The following FGD3 variants were observed in gnomAD, a reference collection of about 807,000 sequenced individuals.
FGD3 encodes the protein FYVE, RhoGEF and PH domain-containing protein 3.
A neutral mutation model predicts 71.8 loss-of-function variants in FGD3; 45 were observed. That is an observed-to-expected ratio of 0.63 (90% CI 0.49 to 0.80). The LOEUF (loss-of-function observed/expected upper bound fraction) is 0.80, where lower values mean the gene tolerates loss of function less well. Ranked by LOEUF, FGD3 falls within the 30% of genes least tolerant of loss-of-function variation. The pLI, the probability that FGD3 is intolerant of heterozygous loss-of-function variation, is 0.00. For missense variants in FGD3, 844 were observed against 951.5 expected, an observed-to-expected ratio of 0.89 and a Z score of 1.49; for synonymous variants, 378 against 392.8, an observed-to-expected ratio of 0.96 and a Z score of 0.44.
chr9:93,030,017 A>T, intron 15 of FGD3, 21 bp downstream of exon 15: 1 of 1,607,154 alleles, frequency 6.2e-7, no homozygotes. Context: ...GGAGAGGGGG[A>T]CAGGGACAGG....
chr9:93,034,948 A>G (rs560931139), intron 17 of FGD3, among the ~76,000 whole-genome samples: 9 of 152,004 alleles, frequency 5.9e-5, no homozygotes, highest in African/African-American at 1.4e-4. Context: ...GAGCCACAGA[A>G]CCTGTCAGGG....
At chr9:92,960,870 G>T (rs892831685) in intron 1 of FGD3, among the ~76,000 whole-genome samples, 3 of 152,038 alleles carry the variant, frequency 2.0e-5, no homozygotes, top group Non-Finnish European at 1.5e-5. Context: ...CCCAGTGGGT[G>T]ATCCCCCCGG....
At chr9:92,964,614 G>A (rs1859244949) in intron 1 of FGD3, among the ~76,000 whole-genome samples, 1 of 152,240 alleles carries the variant, frequency 6.6e-6, no homozygotes, top group Admixed American at 6.5e-5. Flanking sequence ...TTTGTAAACT[G>A]CTGAGTGCTG....
chr9:93,011,070 G>T (rs1044370515), intron 7 of FGD3, 144 bp from the exon 8 acceptor site: 4 of 810,768 alleles, frequency 4.9e-6, no homozygotes, highest in Non-Finnish European at 6.2e-6. Flanking sequence ...CTCTGGGCCA[G>T]TCCTCTAGAG....
intron 3 of FGD3, among the ~76,000 whole-genome samples, chr9:92,988,045 A>G (rs2118634765): frequency 6.6e-6 from 1 of 152,192 alleles, no homozygotes; most frequent in East Asian, 1.9e-4. Flanking sequence ...TCCTTAGTTC[A>G]GCTAAAATCC....
intron 14 of FGD3, among the ~76,000 whole-genome samples, chr9:93,024,729 G>GGAA (rs1020470593): frequency 1.3e-5 from 2 of 152,232 alleles, no homozygotes; most frequent in Non-Finnish European, 2.9e-5. Flanking sequence ...AACAGCAGGA[G>GGAA]CCCAGGCCTG....
intron 13 of FGD3, 146 bp from the exon 14 acceptor site, chr9:93,022,181 C>T: frequency 1.4e-6 from 1 of 736,264 alleles, no homozygotes; most frequent in Non-Finnish European, 2.1e-6. Flanking sequence ...CCCAGAGGCA[C>T]AGCAAATCCT....
At chr9:92,998,441 G>A (rs1860732607) in intron 3 of FGD3, among the ~76,000 whole-genome samples, 1 of 152,194 alleles carries the variant, frequency 6.6e-6, no homozygotes, top group Non-Finnish European at 1.5e-5. Flanking sequence ...GGAGAAGTTT[G>A]TTATTACCAA....
intron 1 of FGD3, among the ~76,000 whole-genome samples, chr9:92,952,858 G>A (rs1049170524): frequency 1.3e-5 from 2 of 151,908 alleles, no homozygotes; most frequent in African/African-American, 4.8e-5. Context: ...CTTCCCCCGA[G>A]GTCCTCCAGC....
chr9:93,028,347 AAAAAAAAG>A (rs1862214762), intron 14 of FGD3, among the ~76,000 whole-genome samples: 1 of 147,998 alleles, frequency 6.8e-6, no homozygotes. Flanking sequence ...AGGAAAAAAA[AAAAAAAAG>A]AAAGAAAAAC....
chr9:92,975,697 G>A (rs1859720223), intron 2 of FGD3, among the ~76,000 whole-genome samples: 1 of 152,136 alleles, frequency 6.6e-6, no homozygotes, highest in Non-Finnish European at 1.5e-5. Context: ...TCCTGCCCCA[G>A]CCCTCCCCTG....
intron 1 of FGD3, among the ~76,000 whole-genome samples, chr9:92,963,795 G>T (rs1859220725): frequency 6.6e-6 from 1 of 152,166 alleles, no homozygotes; most frequent in Non-Finnish European, 1.5e-5. Context: ...AGCCCTCGTG[G>T]GTCAGGTCTC....
At chr9:92,965,223 C>T (rs923029391) in intron 1 of FGD3, among the ~76,000 whole-genome samples, 9 of 152,212 alleles carry the variant, frequency 5.9e-5, no homozygotes, top group Admixed American at 4.6e-4. Flanking sequence ...GTGACTGAGT[C>T]GTGCCAGGCT....
In FGD3 at chr9:93,012,692, TG is replaced by T. The variant is rs1157137280; in HGVS notation, c.1036-1159del. Among the ~76,000 whole-genome samples, 22 of 117,102 alleles carry T rather than the reference TG, an allele frequency of 1.9e-4. 1 individual carries two copies. Among genetic ancestry groups the T allele is most frequent in the African/African-American group, 4.1e-4 (13 of 31,916 alleles). The allele number at this position is 117,102 out of a possible 152,430, so 76.8% of individuals were successfully genotyped here. A position where few individuals can be genotyped will look rare whatever the true frequency, so the allele number is the denominator to read the frequency against. On this transcript the variant is annotated intron_variant, in intron 8 of 17. Coordinates refer to ENST00000375482, the MANE Select transcript of FGD3 (RefSeq NM_001083536.2). ...CCACCAGGTGTGGGCGGTGGCGGGG[TG>T]TGGGGGGGGGAAGAATCAATCTACA... is the stretch of plus-strand genomic sequence containing the variant.
Position 93,035,461 on chromosome 9 carries a change from A to G in FGD3, c.2050A>G (p.Ser684Gly). ...LQWAKQSWYL[S>G]ASSAELQQQW... ...GTGGGCCAAGCAGTCCTGGTACCTG[A>G]GCGCCTCCTCCGCAGAGCTGCAGCA... is the stretch of plus-strand genomic sequence containing the variant. Residue 684 changes from serine (S) to glycine (G), a missense_variant, in exon 18 of 18, where the codon AGC (serine) becomes GGC (glycine). Ser to Gly is a moderately conservative substitution (Grantham distance 56). Transcript: ENST00000375482. 6.2e-7 allele frequency: 1 copy of G among 1,613,482 alleles called. No homozygotes were observed. Among genetic ancestry groups the G allele is most frequent in the Non-Finnish European group, 8.5e-7 (1 of 1,179,892 alleles).
chr9:93,002,803 G>T, intron 3 of FGD3, 122 bp from the exon 4 acceptor site: 1 of 867,170 alleles, frequency 1.2e-6, no homozygotes. Context: ...CCCTTCTCTT[G>T]CCCCAGTGGC....
chr9:92,985,770 A>G (rs10821051), intron 3 of FGD3, among the ~76,000 whole-genome samples: 90,475 of 151,922 alleles, frequency 0.6, 27,150 homozygotes, highest in South Asian at 0.67. Context: ...GAACCACCGC[A>G]CCTGGCCCAT....
intron 1 of FGD3, among the ~76,000 whole-genome samples, chr9:92,962,951 A>AG (rs1487870527): frequency 1.3e-5 from 2 of 150,922 alleles, no homozygotes; most frequent in African/African-American, 4.8e-5. Context: ...AAAAAAAAAA[A>AG]AAAAAGAAAA....
intron 1 of FGD3, among the ~76,000 whole-genome samples, chr9:92,962,731 A>G (rs1255771923): frequency 6.6e-6 from 1 of 152,196 alleles, no homozygotes; most frequent in Non-Finnish European, 1.5e-5. Context: ...ACCTGAGGTC[A>G]GGAGTTGAGA....
Sources: gnomAD v4.1 joint callset for allele counts (sites outside exome capture counted in the v4.1 genomes callset) on GRCh38, gnomAD v4.1.1 for gene constraint, MANE v1.5 for transcripts, NCBI Gene and HGNC (gene_info 2026-07-23, HGNC 2026-07-21) for gene names.